The following CLMP variants were observed in gnomAD, a reference collection of about 807,000 sequenced individuals.
CLMP encodes the protein CXADR-like membrane protein.
In CLMP, 27 loss-of-function variants were observed where a neutral mutation model predicts 45.2. The observed-to-expected ratio is 0.60, with a 90% confidence interval of 0.44 to 0.82. The LOEUF is 0.82. Ranked by LOEUF, CLMP falls within the 40% of genes least tolerant of loss-of-function variation. The probability of loss-of-function intolerance (pLI) is 0.00; values close to 1 mark genes in which losing one functional copy is unlikely to be tolerated. For missense variants in CLMP, 403 were observed against 448.4 expected (o/e 0.90, Z 0.91); for synonymous variants, 167 against 171.4 (o/e 0.97, Z 0.20).
At chr11:123,188,458 C>T (rs993760173) in intron 1 of CLMP, among the ~76,000 whole-genome samples, 1 of 151,684 alleles carries the variant, frequency 6.6e-6, no homozygotes, top group African/African-American at 2.4e-5. Flanking sequence ...CCTCTTCTTC[C>T]TCCTCCTCCT....
chr11:123,085,023 GT>G (rs777679435), intron 2 of CLMP, among the ~76,000 whole-genome samples: 2 of 152,130 alleles, frequency 1.3e-5, no homozygotes, highest in Non-Finnish European at 2.9e-5. Context: ...ACATACTGAA[GT>G]TCACACAGCT....
chr11:123,194,834 C>T, intron 1 of CLMP, 79 bp downstream of exon 1: 5 of 1,565,980 alleles, frequency 3.2e-6, no homozygotes, highest in Non-Finnish European at 4.4e-6. Context: ...GACACCCGGT[C>T]AGAACCGGCG....
At chr11:123,155,834 C>A (rs1861405433) in intron 1 of CLMP, among the ~76,000 whole-genome samples, 1 of 152,144 alleles carries the variant, frequency 6.6e-6, no homozygotes, top group African/African-American at 2.4e-5. Flanking sequence ...ATGGCTTCTC[C>A]TTTGCTATCT....
intron 1 of CLMP, among the ~76,000 whole-genome samples, chr11:123,194,040 C>T (rs952652518): frequency 2.0e-5 from 3 of 152,088 alleles, no homozygotes; most frequent in Admixed American, 6.5e-5. Flanking sequence ...CCTTTCCTGC[C>T]CTGGCTCCTC....
intron 1 of CLMP, among the ~76,000 whole-genome samples, chr11:123,146,024 A>G (rs1861234295): frequency 1.3e-5 from 2 of 152,214 alleles, no homozygotes; most frequent in South Asian, 4.1e-4. Flanking sequence ...GGCTCAGGGT[A>G]GGGCAGGGCC....
intron 1 of CLMP, among the ~76,000 whole-genome samples, chr11:123,151,774 G>A (rs1390776132): frequency 3.9e-5 from 6 of 152,080 alleles, no homozygotes; most frequent in Non-Finnish European, 8.8e-5. Flanking sequence ...ACCCTTCCAG[G>A]GGCCTTTTTG....
At chr11:123,154,905 A>G (rs1401747553) in intron 1 of CLMP, among the ~76,000 whole-genome samples, 1 of 152,216 alleles carries the variant, frequency 6.6e-6, no homozygotes, top group Non-Finnish European at 1.5e-5. Context: ...AACTATTTCA[A>G]AATATGGGGC....
chr11:123,161,780 G>A lies in CLMP; in HGVS notation c.28+33133C>T, dbSNP rs548489423. On this transcript the variant is annotated intron_variant, in intron 1 of 6. Transcript: ENST00000448775. ...AGTCCCCCAAGAGTAGTTTTTGGAC[G>A]AGCATCACCATCATCTGGTCACGTA... Among the ~76,000 whole-genome samples, 8 of 152,262 alleles carry A rather than the reference G, an allele frequency of 5.3e-5. No individual in the cohort carries two copies. In the East Asian group the frequency reaches 1.5e-3, roughly 29 times the overall value.
At chr11:123,100,543 G>C (rs781310752) in intron 1 of CLMP, among the ~76,000 whole-genome samples, 4 of 149,830 alleles carry the variant, frequency 2.7e-5, no homozygotes, top group African/African-American at 7.5e-5. Context: ...TTGTGATGCA[G>C]GCATCTGTCC....
intron 1 of CLMP, among the ~76,000 whole-genome samples, chr11:123,125,902 A>G (rs1860887687): frequency 6.6e-6 from 1 of 152,002 alleles, no homozygotes; most frequent in Non-Finnish European, 1.5e-5. Flanking sequence ...CACTGCGCCC[A>G]GCCCACTCTC....
intron 5 of CLMP, among the ~76,000 whole-genome samples, chr11:123,080,824 G>A (rs571752856): frequency 1.6e-4 from 25 of 152,158 alleles, no homozygotes; most frequent in African/African-American, 5.3e-4. Context: ...TACTGATTCC[G>A]ACAAATTAAA....
At chr11:123,155,545 A>T (rs1861401740) in intron 1 of CLMP, among the ~76,000 whole-genome samples, 1 of 152,232 alleles carries the variant, frequency 6.6e-6, no homozygotes. Context: ...AAACCAGCTC[A>T]GAGGGGTTAG....
intron 1 of CLMP, among the ~76,000 whole-genome samples, chr11:123,129,409 CATATGAT>C (rs1477314665): frequency 1.5e-5 from 2 of 137,562 alleles, no homozygotes; most frequent in Non-Finnish European, 3.1e-5. Context: ...AAATATATAT[CATATGAT>C]ATATTATATA....
intron 1 of CLMP, among the ~76,000 whole-genome samples, chr11:123,151,204 T>C (rs1048160687): frequency 2.6e-5 from 4 of 152,176 alleles, no homozygotes; most frequent in Non-Finnish European, 5.9e-5. Flanking sequence ...GAACCATTGG[T>C]TTCTACCTAG....
chr11:123,173,894 C>A (rs575077145), intron 1 of CLMP, among the ~76,000 whole-genome samples: 1 of 152,166 alleles, frequency 6.6e-6, no homozygotes, highest in African/African-American at 2.4e-5. Context: ...CCAGCCTGGG[C>A]AATATGGTGA....
intron 1 of CLMP, chr11:123,136,479 C>T (rs1358232314): frequency 5.8e-6 from 2 of 347,722 alleles, no homozygotes; most frequent in Non-Finnish European, 1.0e-5. Flanking sequence ...GCTTTAAGGG[C>T]CGCTCTAGGC....
At chr11:123,081,612 G>A (rs1036522277) in intron 5 of CLMP, among the ~76,000 whole-genome samples, 5 of 152,228 alleles carry the variant, frequency 3.3e-5, no homozygotes, top group Non-Finnish European at 5.9e-5. Flanking sequence ...TGCGCATGCC[G>A]GTAATCGCAG....
chr11:123,166,878 A>G (rs1183643930), intron 1 of CLMP, among the ~76,000 whole-genome samples: 2 of 152,136 alleles, frequency 1.3e-5, no homozygotes, highest in African/African-American at 4.8e-5. Context: ...ATGCATCGAA[A>G]CATCTCATTG....
chr11:123,125,903 G>GC (rs1327933460), intron 1 of CLMP, among the ~76,000 whole-genome samples: 1 of 152,058 alleles, frequency 6.6e-6, no homozygotes, highest in East Asian at 1.9e-4. Flanking sequence ...ACTGCGCCCA[G>GC]CCCACTCTCT....
Sources: gnomAD v4.1 joint callset for allele counts (sites outside exome capture counted in the v4.1 genomes callset) on GRCh38, gnomAD v4.1.1 for gene constraint, MANE v1.5 for transcripts, NCBI Gene and HGNC (gene_info 2026-07-23, HGNC 2026-07-21) for gene names.